GLIS3: variants seen among roughly 807,000 people sequenced by gnomAD.
GLIS3 encodes zinc finger protein GLIS3.
GLIS3 carries 53 observed loss-of-function variants against 78.6 expected under a neutral mutation model. That is an observed-to-expected ratio of 0.67 (90% CI 0.54 to 0.85). GLIS3 has a LOEUF of 0.85. Among genes scored for constraint, GLIS3 ranks in the 40% least tolerant of loss-of-function variants. The pLI is 0.00. For missense variants in GLIS3, 1,703 were observed against 1,231.1 expected (o/e 1.38, Z -5.74); for synonymous variants, 684 against 509.9 (o/e 1.34, Z -4.60).
chr9:3,979,957 G>A (rs544492606), intron 4 of GLIS3, among the ~76,000 whole-genome samples: 1 of 152,088 alleles, frequency 6.6e-6, no homozygotes, highest in Non-Finnish European at 1.5e-5. Flanking sequence ...GGCAGATAAC[G>A]GTAAGTACCA....
intron 2 of GLIS3, among the ~76,000 whole-genome samples, chr9:4,273,085 A>G (rs568416668): frequency 1.3e-5 from 2 of 152,210 alleles, no homozygotes; most frequent in South Asian, 2.1e-4. Context: ...CTAAATCCAT[A>G]TATCAAGTAG....
chr9:3,916,345 A>G (rs959579403), intron 6 of GLIS3, among the ~76,000 whole-genome samples: 4 of 152,232 alleles, frequency 2.6e-5, no homozygotes, highest in Non-Finnish European at 5.9e-5. Flanking sequence ...GGGACCAAGC[A>G]AATTCCTTGA....
intron 2 of GLIS3, among the ~76,000 whole-genome samples, chr9:4,336,044 G>A (rs995889690): frequency 6.6e-6 from 1 of 152,178 alleles, no homozygotes; most frequent in African/African-American, 2.4e-5. Context: ...TCTTGAGTAA[G>A]TCATTACACC....
rs1258803497 is a variant in GLIS3, at chr9:4,118,638, G to C, written c.840C>G (p.His280Gln). Reference protein sequence around the residue: ...PSYLFGTESSHSPYPSPRHSS... With the variant: ...PSYLFGTESSQSPYPSPRHSS... ...AGTGCCGAGGACTAGGGTAAGGAGA[G>C]TGGCTACTTTCCGTGCCAAAAAGGT... The change falls in exon 4 of 11, where the codon CAC becomes CAG. Residue 280 changes from histidine to glutamine, a missense_variant. Physicochemically the swap from His to Gln is conservative, Grantham distance 24. Transcript: ENST00000381971. The surrounding 1 kb of genome is among the most constrained non-coding windows in gnomAD (Gnocchi z 4.7). 9.9e-6 allele frequency: 16 copies of C among 1,614,216 alleles called. No homozygotes were observed. The highest frequency in any genetic ancestry group is 1.3e-5 in the Non-Finnish European group (15 of 1,180,038).
chr9:3,981,336 T>C (rs1819264632), intron 4 of GLIS3, among the ~76,000 whole-genome samples: 1 of 152,196 alleles, frequency 6.6e-6, no homozygotes, highest in African/African-American at 2.4e-5. Flanking sequence ...CAAAAGCTAT[T>C]TGTCAGAGAG....
chr9:3,974,477 T>G (rs1444310380), intron 4 of GLIS3, among the ~76,000 whole-genome samples: 1 of 152,174 alleles, frequency 6.6e-6, no homozygotes, highest in Non-Finnish European at 1.5e-5. Context: ...TATTGCTTAG[T>G]GCTTTTAATG....
chr9:3,937,652 G>C (rs1825970780), intron 4 of GLIS3, among the ~76,000 whole-genome samples: 1 of 152,102 alleles, frequency 6.6e-6, no homozygotes, highest in Non-Finnish European at 1.5e-5. Flanking sequence ...TTGAAGATTT[G>C]AGAGTCCAGG....
intron 4 of GLIS3, among the ~76,000 whole-genome samples, chr9:4,002,634 C>T (rs895069045): frequency 3.9e-5 from 6 of 152,156 alleles, no homozygotes; most frequent in African/African-American, 1.4e-4. Flanking sequence ...AGTCATTCCC[C>T]ACTCATTCTG....
the GLIS3 span, among the ~76,000 whole-genome samples, chr9:4,399,720 G>A: frequency 2.0e-5 from 3 of 152,140 alleles, no homozygotes; most frequent in Non-Finnish European, 2.9e-5. Context: ...TAAGTAACAA[G>A]TAAAGTAGAC....
the GLIS3 span, among the ~76,000 whole-genome samples, chr9:4,372,698 A>G: frequency 7.2e-5 from 11 of 152,334 alleles, no homozygotes; most frequent in African/African-American, 2.6e-4. Context: ...GGGGAGACCC[A>G]GATCTGCTTA....
chr9:4,180,387 T>C (rs1219245834), intron 2 of GLIS3, among the ~76,000 whole-genome samples: 1 of 152,208 alleles, frequency 6.6e-6, no homozygotes, highest in Non-Finnish European at 1.5e-5. Flanking sequence ...TGCCTCTTCC[T>C]AGCTCAATGG....
At chr9:3,953,091 G>A (rs1816810686) in intron 4 of GLIS3, among the ~76,000 whole-genome samples, 1 of 151,994 alleles carries the variant, frequency 6.6e-6, no homozygotes, top group African/African-American at 2.4e-5. Context: ...GGGATTTGAG[G>A]GATCTGCACT....
intron 2 of GLIS3, among the ~76,000 whole-genome samples, chr9:4,261,333 G>T (rs556741943): frequency 9.9e-5 from 15 of 152,264 alleles, no homozygotes; most frequent in African/African-American, 3.6e-4. Context: ...TGCCATAATG[G>T]AAGCAAAGAG....
At chr9:4,003,577 C>A (rs1000099337) in intron 4 of GLIS3, among the ~76,000 whole-genome samples, 2 of 152,188 alleles carry the variant, frequency 1.3e-5, no homozygotes, top group Admixed American at 6.5e-5. Flanking sequence ...AAGCTTCCAA[C>A]GATTCCTTCT....
At chr9:4,471,211 C>T in the GLIS3 span, among the ~76,000 whole-genome samples, 1 of 152,226 alleles carries the variant, frequency 6.6e-6, no homozygotes, top group Non-Finnish European at 1.5e-5. Flanking sequence ...ATGCCATCCC[C>T]ATCAAGCTAC....
chr9:4,341,437 T>C (rs910640305), intron 2 of GLIS3, among the ~76,000 whole-genome samples: 1 of 152,336 alleles, frequency 6.6e-6, no homozygotes, highest in African/African-American at 2.4e-5. Context: ...AACTCACCAT[T>C]GTGAAGACTT....
chr9:4,295,720 C>CA (rs1046915266), intron 1 of GLIS3, among the ~76,000 whole-genome samples: 2 of 151,974 alleles, frequency 1.3e-5, no homozygotes, highest in Non-Finnish European at 2.9e-5. Flanking sequence ...GTTCCACTTG[C>CA]AAAAAAATGC....
intron 4 of GLIS3, among the ~76,000 whole-genome samples, chr9:3,956,588 T>C (rs982645698): frequency 6.6e-6 from 1 of 152,196 alleles, no homozygotes; most frequent in Non-Finnish European, 1.5e-5. Flanking sequence ...ATCTAACCCC[T>C]AGCTTTAGAG....
intron 2 of GLIS3, among the ~76,000 whole-genome samples, chr9:4,236,184 C>CACAAA (rs1209055418): frequency 1.2e-5 from 1 of 84,306 alleles, no homozygotes; most frequent in Non-Finnish European, 2.3e-5. Flanking sequence ...GTGGTTGTCA[C>CACAAA]AAAAAAAAAA....
Sources: allele counts gnomAD v4.1 joint callset (sites outside exome capture counted in the v4.1 genomes callset), GRCh38; gene constraint gnomAD v4.1.1; non-coding constraint Gnocchi (gnomAD v3.1); transcripts MANE v1.5; gene names NCBI Gene and HGNC (gene_info 2026-07-23, HGNC 2026-07-21).